COL13A1: variants seen among roughly 807,000 people sequenced by gnomAD.
COL13A1 encodes collagen type XIII alpha 1 chain, also known as collagen alpha-1(XIII) chain.
A neutral mutation model predicts 130.9 loss-of-function variants in COL13A1; 89 were observed. That is an observed-to-expected ratio of 0.68 (90% CI 0.57 to 0.81). The LOEUF (loss-of-function observed/expected upper bound fraction) is 0.81, where lower values mean the gene tolerates loss of function less well. Ranked by LOEUF, COL13A1 falls within the 30% of genes least tolerant of loss-of-function variation. The pLI is 0.00. For missense variants in COL13A1, 879 were observed against 934.6 expected, an observed-to-expected ratio of 0.94 and a Z score of 0.78; for synonymous variants, 402 against 341.6, an observed-to-expected ratio of 1.18 and a Z score of -1.95.
intron 38 of COL13A1, among the ~76,000 whole-genome samples, chr10:69,951,690 T>C (rs1027301945): frequency 6.6e-6 from 1 of 152,204 alleles, no homozygotes; most frequent in Admixed American, 6.5e-5. Flanking sequence ...GAGGCAGGTA[T>C]TATTGTACTC....
chr10:69,904,291 TAAC>T (rs548299553), intron 15 of COL13A1, among the ~76,000 whole-genome samples: 41 of 152,140 alleles, frequency 2.7e-4, no homozygotes, highest in Non-Finnish European at 4.3e-4. Context: ...AGGTTGTTTA[TAAC>T]AACAACGACA....
chr10:69,881,630 G>A (rs2060148129), intron 7 of COL13A1, among the ~76,000 whole-genome samples: 1 of 152,230 alleles, frequency 6.6e-6, no homozygotes, highest in South Asian at 2.1e-4. Flanking sequence ...AGACATGTCA[G>A]GGGCTGGGTC....
chr10:69,919,855 G>A, intron 21 of COL13A1, 128 bp downstream of exon 21: 1 of 397,234 alleles, frequency 2.5e-6, no homozygotes, highest in Non-Finnish European at 4.4e-6. Context: ...CCGAGATGAG[G>A]GGAGTGGCAG....
At chr10:69,898,614 T>A (rs1487996156) in intron 13 of COL13A1, 83 bp from the exon 14 acceptor site, 1 of 1,246,154 alleles carries the variant, frequency 8.0e-7, no homozygotes, top group Non-Finnish European at 1.1e-6. Context: ...TGCCCTGCCC[T>A]CCTGGTGACT....
At chr10:69,921,338 GC>G (rs2064640651) in intron 21 of COL13A1, among the ~76,000 whole-genome samples, 1 of 152,166 alleles carries the variant, frequency 6.6e-6, no homozygotes, top group Non-Finnish European at 1.5e-5. Flanking sequence ...TTGGATAGGG[GC>G]TCACCCTACT....
In COL13A1 at chr10:69,902,437, G is replaced by T. The variant is rs1332393953; in HGVS notation, c.751-311G>T. 3.3e-5 allele frequency among the ~76,000 whole-genome samples: 5 copies of T among 152,244 alleles called. No individual in the cohort carries two copies. In the East Asian group the frequency reaches 9.7e-4, roughly 29 times the overall value. ...CAGGCTGGGAGCAGGCCTTTGGTTGGGCCAGGGGCTGTCTCCCACCCACTC... is the reference window on the plus strand; with the variant it reads ...CAGGCTGGGAGCAGGCCTTTGGTTGTGCCAGGGGCTGTCTCCCACCCACTC... On this transcript the variant is annotated intron_variant, in intron 14 of 40. Coordinates refer to ENST00000645393, the MANE Select transcript of COL13A1 (RefSeq NM_001368882.1).
chr10:69,936,672 T>C, intron 32 of COL13A1, 84 bp from the exon 33 acceptor site: 1 of 1,550,878 alleles, frequency 6.4e-7, no homozygotes, highest in Non-Finnish European at 8.9e-7. Context: ...AAAACCCTTG[T>C]TCTTCTGTGA....
intron 2 of COL13A1, among the ~76,000 whole-genome samples, chr10:69,867,459 C>T (rs956979131): frequency 2.6e-5 from 4 of 152,206 alleles, no homozygotes; most frequent in Non-Finnish European, 5.9e-5. Flanking sequence ...GCCCACTGTC[C>T]CGTGTTCTGC....
At position 69,918,290 on chromosome 10, in the gene COL13A1, G is replaced by A. The variant is rs763678738; in HGVS notation, c.972G>A (p.Ala324=). The A allele has an allele frequency of 3.8e-5, 61 of 1,612,484 alleles. No individual in the cohort carries two copies. Among genetic ancestry groups the A allele is most frequent in the African/African-American group, 2.0e-4 (15 of 74,818 alleles). ...TTTTTTTCTCTCTCTGCCAGGGGGC[G>A]CCCGGAATTGCCGTGGCTGGGATGA... The part of the protein sequence containing the change: ...GMPGKHGAKG[A]PGIAVAGMKG... Residue 324 remains alanine (A), a synonymous_variant, in exon 19 of 41, where the codon GCG becomes GCA. Transcript: ENST00000645393.
chr10:69,902,764 C>T lies in COL13A1; in HGVS notation c.767C>T (p.Ala256Val). The change falls in exon 15 of 41, where the codon GCC (alanine) becomes GTC (valine). Residue 256 changes from alanine (A) to valine (V), a missense_variant. Coordinates refer to ENST00000645393, the MANE Select transcript of COL13A1 (RefSeq NM_001368882.1). ...RRTFQGEQSQ[A>V]SIQGPPGPPG... ...GAACCTCAGGGCGAACAGAGCCAGGCCAGCATCCAAGGTCCACCAGGGCCC... is the reference window on the plus strand; with the variant it reads ...GAACCTCAGGGCGAACAGAGCCAGGTCAGCATCCAAGGTCCACCAGGGCCC... 1 of 1,553,958 alleles carries T rather than the reference C, an allele frequency of 6.4e-7. No homozygotes were observed. Among genetic ancestry groups the T allele is most frequent in the Non-Finnish European group, 8.7e-7 (1 of 1,148,854 alleles).
In COL13A1 at chr10:69,822,364, T is replaced by A. The variant is rs761342035; in HGVS notation, c.295-5T>A. 4.2e-5 allele frequency: 66 copies of A among 1,576,374 alleles called. No homozygotes were observed. Among genetic ancestry groups the A allele is most frequent in the Non-Finnish European group, 5.3e-5 (62 of 1,161,346 alleles). ...GTGACTCCTCTTGTCTGTCTCCTTG[T>A]ACAGAAATGGAAGCTCCACTCAAGG... On this transcript the variant is annotated splice_region_variant and splice_polypyrimidine_tract_variant and intron_variant, in intron 1 of 40. Transcript: ENST00000645393.
At chr10:69,921,747 C>A in intron 21 of COL13A1, 135 bp from the exon 22 acceptor site, 1 of 1,180,560 alleles carries the variant, frequency 8.5e-7, no homozygotes, top group Non-Finnish European at 1.2e-6. Flanking sequence ...TGGAGCCCTT[C>A]AGAAAGCCAG....
chr10:69,953,456 G>C (rs573889781), intron 39 of COL13A1, among the ~76,000 whole-genome samples: 1 of 152,172 alleles, frequency 6.6e-6, no homozygotes, highest in Non-Finnish European at 1.5e-5. Flanking sequence ...GGCAGAACAA[G>C]GCCAGATGAG....
At chr10:69,913,279 A>T (rs2063571856) in intron 17 of COL13A1, among the ~76,000 whole-genome samples, 1 of 152,166 alleles carries the variant, frequency 6.6e-6, no homozygotes, top group East Asian at 1.9e-4. Context: ...CCCCAGCCCA[A>T]GTAAGGCGGC....
At chr10:69,844,162 C>T (rs554254577) in intron 2 of COL13A1, among the ~76,000 whole-genome samples, 7 of 152,268 alleles carry the variant, frequency 4.6e-5, no homozygotes, top group Admixed American at 4.6e-4. Flanking sequence ...GGCAGGAGGA[C>T]ATTCCAAACA....
chr10:69,840,765 AG>A (rs1165126119), intron 2 of COL13A1, among the ~76,000 whole-genome samples: 1 of 152,112 alleles, frequency 6.6e-6, no homozygotes, highest in Non-Finnish European at 1.5e-5. Context: ...GGCCCCTGAG[AG>A]GAAACCTGGG....
intron 1 of COL13A1, among the ~76,000 whole-genome samples, chr10:69,811,183 T>A (rs931627494): frequency 6.6e-6 from 1 of 152,196 alleles, no homozygotes; most frequent in Admixed American, 6.5e-5. Context: ...CATTTCCCTC[T>A]GCCCACACGC....
At chr10:69,945,229 C>A (rs1159339901) in intron 36 of COL13A1, among the ~76,000 whole-genome samples, 1 of 152,222 alleles carries the variant, frequency 6.6e-6, no homozygotes, top group Non-Finnish European at 1.5e-5. Context: ...GTGGGGAGGG[C>A]AGGAGCTTCT....
At chr10:69,870,620 T>A (rs1013119860) in intron 3 of COL13A1, among the ~76,000 whole-genome samples, 3 of 152,096 alleles carry the variant, frequency 2.0e-5, no homozygotes, top group African/African-American at 7.2e-5. Flanking sequence ...GAAGAAATTA[T>A]GATTTTGTGC....
Sources: gnomAD v4.1 joint callset for allele counts (sites outside exome capture counted in the v4.1 genomes callset) on GRCh38, gnomAD v4.1.1 for gene constraint, MANE v1.5 for transcripts, NCBI Gene and HGNC (gene_info 2026-07-23, HGNC 2026-07-21) for gene names.